The following VSTM4 variants were observed in gnomAD, a reference collection of about 807,000 sequenced individuals.
The protein encoded by VSTM4 is V-set and transmembrane domain containing 4, also known as V-set and transmembrane domain-containing protein 4.
Under a neutral mutation model 36.4 loss-of-function variants are expected in VSTM4, and 20 were observed. The observed-to-expected ratio is 0.55, with a 90% confidence interval of 0.39 to 0.80. VSTM4 has a LOEUF of 0.80. Among genes scored for constraint, VSTM4 ranks in the 30% least tolerant of loss-of-function variants. The pLI, the probability that VSTM4 is intolerant of heterozygous loss-of-function variation, is 0.00. For missense variants in VSTM4, 392 were observed against 404.5 expected, an observed-to-expected ratio of 0.97 and a Z score of 0.26; for synonymous variants, 182 against 173.9, an observed-to-expected ratio of 1.05 and a Z score of -0.37.
chr10:49,105,321 G>C (rs1212388383), intron 2 of VSTM4, among the ~76,000 whole-genome samples: 1 of 65,508 alleles, frequency 1.5e-5, no homozygotes, highest in African/African-American at 1.0e-4. Context: ...CAGAGAAAGA[G>C]AGAGAGACGG....
intron 7 of VSTM4, 140 bp from the exon 8 acceptor site, chr10:49,019,915 A>G: frequency 9.1e-7 from 1 of 1,095,484 alleles, no homozygotes; most frequent in Non-Finnish European, 1.3e-6. Context: ...TTAAGAGGCT[A>G]CATAATATCC....
intron 5 of VSTM4, among the ~76,000 whole-genome samples, chr10:49,051,645 C>T (rs1431186018): frequency 6.6e-6 from 1 of 152,194 alleles, no homozygotes; most frequent in Non-Finnish European, 1.5e-5. Flanking sequence ...ATCCACCCGC[C>T]TTGGCCTCCC....
At chr10:49,075,291 A>G (rs541224894) in intron 4 of VSTM4, among the ~76,000 whole-genome samples, 2 of 152,206 alleles carry the variant, frequency 1.3e-5, no homozygotes, top group African/African-American at 4.8e-5. Flanking sequence ...CAGACTCTCG[A>G]TCATGCCCCT....
chr10:49,057,064 AATT>A (rs1228813853), intron 5 of VSTM4, among the ~76,000 whole-genome samples: 2 of 151,998 alleles, frequency 1.3e-5, no homozygotes, highest in African/African-American at 2.4e-5. Context: ...ATCTCGTGTG[AATT>A]CATCAGGTGA....
chr10:49,052,194 A>C (rs1320575067), intron 5 of VSTM4, among the ~76,000 whole-genome samples: 1 of 152,354 alleles, frequency 6.6e-6, no homozygotes, highest in East Asian at 1.9e-4. Flanking sequence ...TACTGTCAAA[A>C]TGATTTTTGA....
At chr10:49,049,288 A>T (rs758029473) in intron 5 of VSTM4, among the ~76,000 whole-genome samples, 1 of 152,210 alleles carries the variant, frequency 6.6e-6, no homozygotes, top group Non-Finnish European at 1.5e-5. Flanking sequence ...ACGGGAAGAT[A>T]AGCCTTTTAC....
intron 7 of VSTM4, among the ~76,000 whole-genome samples, chr10:49,025,214 T>C (rs1421984005): frequency 6.6e-6 from 1 of 152,054 alleles, no homozygotes; most frequent in Non-Finnish European, 1.5e-5. Context: ...TATGTGACTG[T>C]GGTGTTTTGT....
intron 2 of VSTM4, among the ~76,000 whole-genome samples, chr10:49,089,767 G>A (rs17782673): frequency 1.3e-5 from 2 of 152,144 alleles, no homozygotes; most frequent in Admixed American, 6.5e-5. Context: ...TTTTCCCAAG[G>A]TTCTCCCATA....
chr10:49,107,761 C>T lies in VSTM4; in HGVS notation c.290G>A (p.Arg97Gln), dbSNP rs752618813. ...CTGCTCCTCCAGCAGGCGCAGCCTC[C>T]GCCGTTTGGCGCTGCGGCTGAAATT... is the stretch of plus-strand genomic sequence containing the variant. ...YGNFSRSAKRRRLRLLEEQRG... is the reference protein window; with the variant it reads ...YGNFSRSAKRQRLRLLEEQRG... Residue 97 changes from arginine to glutamine, a missense_variant, in exon 2 of 8, where the codon CGG (arginine) becomes CAG (glutamine). Coordinates refer to ENST00000332853, the MANE Select transcript of VSTM4 (RefSeq NM_001031746.5). 5.4e-5 allele frequency: 87 copies of T among 1,614,232 alleles called. No homozygotes were observed. In the Middle Eastern group the frequency reaches 6.6e-4, roughly 12 times the overall value.
At chr10:49,057,030 G>T (rs901118869) in intron 5 of VSTM4, among the ~76,000 whole-genome samples, 1 of 151,730 alleles carries the variant, frequency 6.6e-6, no homozygotes, top group African/African-American at 2.4e-5. Context: ...ACGGAGGAGG[G>T]GCCAGGCTCT....
chr10:49,096,373 A>C (rs1844569846), intron 2 of VSTM4, among the ~76,000 whole-genome samples: 1 of 152,222 alleles, frequency 6.6e-6, no homozygotes, highest in African/African-American at 2.4e-5. Flanking sequence ...TCCAGTCTCC[A>C]CATTAAACCT....
intron 3 of VSTM4, among the ~76,000 whole-genome samples, chr10:49,082,924 G>A (rs1844305875): frequency 5.9e-5 from 9 of 152,192 alleles, no homozygotes; most frequent in Admixed American, 5.9e-4. Flanking sequence ...CCAAGACTGG[G>A]GTGCATAATG....
rs1843502369 is a variant in VSTM4, at chr10:49,040,412, A to G, written c.837+6571T>C. On this transcript the variant is annotated intron_variant, in intron 7 of 7. Coordinates refer to ENST00000332853, the MANE Select transcript of VSTM4 (RefSeq NM_001031746.5). ...ATTCTCCTGCCTCAGCCTCCTAAGT[A>G]GCTGGGATTACAGGCATGTGCCACC... is the stretch of plus-strand genomic sequence containing the variant. 2.6e-5 allele frequency among the ~76,000 whole-genome samples: 4 copies of G among 151,894 alleles called. No homozygotes were observed. The South Asian group carries it at 8.3e-4, about 32-fold the overall frequency.
chr10:49,110,634 A>T (rs1305618236), intron 1 of VSTM4, among the ~76,000 whole-genome samples: 1 of 152,070 alleles, frequency 6.6e-6, no homozygotes, highest in African/African-American at 2.4e-5. Flanking sequence ...AATTAAATTA[A>T]AATAAAGTCA....
At chr10:49,092,644 C>G (rs1844496515) in intron 2 of VSTM4, among the ~76,000 whole-genome samples, 1 of 152,138 alleles carries the variant, frequency 6.6e-6, no homozygotes, top group African/African-American at 2.4e-5. Context: ...TAGGGCTCCA[C>G]CTCCACGGAC....
intron 7 of VSTM4, among the ~76,000 whole-genome samples, chr10:49,027,772 G>C (rs530797362): frequency 6.6e-6 from 1 of 152,328 alleles, no homozygotes; most frequent in South Asian, 2.1e-4. Context: ...TGCAAGCAAC[G>C]ATTGTCTGCT....
chr10:49,095,968 A>G (rs1033738927), intron 2 of VSTM4, among the ~76,000 whole-genome samples: 2 of 152,194 alleles, frequency 1.3e-5, no homozygotes, highest in Non-Finnish European at 2.9e-5. Context: ...TTCCAAGACC[A>G]TGGCAGTTGG....
intron 5 of VSTM4, among the ~76,000 whole-genome samples, chr10:49,059,827 T>C (rs1329789451): frequency 6.6e-6 from 1 of 152,244 alleles, no homozygotes; most frequent in African/African-American, 2.4e-5. Context: ...AAAACATTTC[T>C]ATCACCCCCA....
chr10:49,086,106 C>T, intron 2 of VSTM4, 83 bp from the exon 3 acceptor site: 1 of 879,502 alleles, frequency 1.1e-6, no homozygotes, highest in East Asian at 2.7e-5. Flanking sequence ...AAAGCAATTT[C>T]TACATTTGCA....
Sources: allele counts gnomAD v4.1 joint callset (sites outside exome capture counted in the v4.1 genomes callset), GRCh38; gene constraint gnomAD v4.1.1; transcripts MANE v1.5; gene names NCBI Gene and HGNC (gene_info 2026-07-23, HGNC 2026-07-21).